Variants in CTNNA2 observed in about 807,000 individuals in gnomAD.
CTNNA2 encodes the protein catenin alpha-2.
A neutral mutation model predicts 101.0 loss-of-function variants in CTNNA2; 42 were observed. The observed-to-expected ratio is 0.42, with a 90% confidence interval of 0.32 to 0.54. The LOEUF (loss-of-function observed/expected upper bound fraction) is 0.54. CTNNA2 is among the 20% of genes least tolerant of loss of function. The pLI is 0.14. For missense variants in CTNNA2, 871 were observed against 1,223.1 expected (o/e 0.71, Z 4.29); for synonymous variants, 450 against 456.4 (o/e 0.99, Z 0.18).
intron 7 of CTNNA2, among the ~76,000 whole-genome samples, chr2:80,064,574 G>A (rs188229562): frequency 1.3e-5 from 2 of 152,324 alleles, no homozygotes; most frequent in East Asian, 3.9e-4. Flanking sequence ...CTCAGCTGGG[G>A]CTGGATGGTT....
At position 79,837,130 on chromosome 2, in the gene CTNNA2, T is replaced by C. The variant is rs562773549; in HGVS notation, c.299-20883T>C. Among the ~76,000 whole-genome samples, 102 of 152,344 alleles carry C rather than the reference T, an allele frequency of 6.7e-4. 2 individuals are homozygous for C. In the South Asian group the frequency reaches 0.021, roughly 31 times the overall value. On this transcript the variant is annotated intron_variant, in intron 3 of 18. Transcript: ENST00000402739. ...ACAGAACTAATGGAATATATATGTA[T>C]GTGCAGGAGTTTATTAAGTATTAAC...
chr2:79,337,720 CT>C (rs1212305460), intron 3 of CTNNA2, among the ~76,000 whole-genome samples: 1 of 151,964 alleles, frequency 6.6e-6, no homozygotes, highest in Non-Finnish European at 1.5e-5. Flanking sequence ...TTACTGTCTG[CT>C]CTGCACTGAG....
At chr2:80,594,773 C>T (rs1229961989) in intron 15 of CTNNA2, among the ~76,000 whole-genome samples, 2 of 151,814 alleles carry the variant, frequency 1.3e-5, no homozygotes, top group African/African-American at 4.8e-5. Flanking sequence ...TTTCCAAGAC[C>T]CAAATCTTAG....
chr2:80,564,777 T>C (rs552228870), intron 12 of CTNNA2, among the ~76,000 whole-genome samples: 18 of 152,312 alleles, frequency 1.2e-4, no homozygotes, highest in Admixed American at 8.5e-4. Context: ...GATAGTTGTC[T>C]GGAGAGGTAG....
intron 1 of CTNNA2, among the ~76,000 whole-genome samples, chr2:79,584,901 A>G (rs1676383715): frequency 6.6e-6 from 1 of 152,214 alleles, no homozygotes; most frequent in Non-Finnish European, 1.5e-5. Context: ...CATCCGGAAC[A>G]ATTTTTTAAA....
At chr2:79,427,172 TG>T (rs1312783946) in intron 4 of CTNNA2, among the ~76,000 whole-genome samples, 2 of 152,032 alleles carry the variant, frequency 1.3e-5, no homozygotes, top group Non-Finnish European at 2.9e-5. Flanking sequence ...TGTCATATCA[TG>T]AAAAGGGCAG....
At chr2:79,857,639 A>C (rs1681242993) in intron 3 of CTNNA2, among the ~76,000 whole-genome samples, 1 of 152,218 alleles carries the variant, frequency 6.6e-6, no homozygotes, top group African/African-American at 2.4e-5. Context: ...GACTGTCAGT[A>C]ACTTCAATGA....
intron 4 of CTNNA2, among the ~76,000 whole-genome samples, chr2:79,862,939 AGG>A (rs1479146230): frequency 6.6e-6 from 1 of 152,226 alleles, no homozygotes; most frequent in African/African-American, 2.4e-5. Context: ...TAATAGCTTC[AGG>A]CAAGGCTTGA....
At chr2:79,807,871 G>A (rs1289451449) in intron 3 of CTNNA2, among the ~76,000 whole-genome samples, 1 of 152,132 alleles carries the variant, frequency 6.6e-6, no homozygotes, top group Non-Finnish European at 1.5e-5. Context: ...TGGATTTCCT[G>A]TCGATTTACA....
At chr2:80,332,094 T>C (rs1046533618) in intron 7 of CTNNA2, among the ~76,000 whole-genome samples, 6 of 152,164 alleles carry the variant, frequency 3.9e-5, no homozygotes, top group Non-Finnish European at 8.8e-5. Context: ...CTAATTGCTC[T>C]ATAATGAAAC....
chr2:80,523,900 T>G (rs1190314816), intron 9 of CTNNA2, among the ~76,000 whole-genome samples: 1 of 152,008 alleles, frequency 6.6e-6, no homozygotes, highest in African/African-American at 2.4e-5. Flanking sequence ...TTAGGGGAAA[T>G]TGGTTGAGGA....
At chr2:80,520,127 A>T (rs1689418334) in intron 9 of CTNNA2, among the ~76,000 whole-genome samples, 1 of 152,082 alleles carries the variant, frequency 6.6e-6, no homozygotes, top group Admixed American at 6.6e-5. Flanking sequence ...ATTTCAGCTG[A>T]GTCACTTTCC....
chr2:80,115,895 G>A (rs1205908493), intron 7 of CTNNA2, among the ~76,000 whole-genome samples: 1 of 152,074 alleles, frequency 6.6e-6, no homozygotes, highest in Non-Finnish European at 1.5e-5. Flanking sequence ...AGATGTATTT[G>A]GACAGTTAAC....
intron 7 of CTNNA2, among the ~76,000 whole-genome samples, chr2:80,090,164 G>C (rs879540067): frequency 0.057 from 5,689 of 99,176 alleles, 160 homozygotes; most frequent in Admixed American, 0.093. Context: ...GTGTGTGTGT[G>C]TGTGTGTGTG....
chr2:80,131,045 CTGTTTTTTTGTT>C (rs1291703153), intron 7 of CTNNA2, among the ~76,000 whole-genome samples: 1 of 151,572 alleles, frequency 6.6e-6, no homozygotes, highest in Non-Finnish European at 1.5e-5. Flanking sequence ...TGTCAATTTC[CTGTTTTTTTGTT>C]TGTTTGTTTG....
intron 11 of CTNNA2, among the ~76,000 whole-genome samples, chr2:80,552,334 GAAAA>G (rs908701685): frequency 1.3e-5 from 2 of 150,090 alleles, no homozygotes; most frequent in Non-Finnish European, 3.0e-5. Context: ...TGGGGGGGAA[GAAAA>G]AAAAACCCAC....
intron 2 of CTNNA2, among the ~76,000 whole-genome samples, chr2:79,214,957 G>A (rs1674229527): frequency 6.6e-6 from 1 of 151,962 alleles, no homozygotes; most frequent in African/African-American, 2.4e-5. Flanking sequence ...GTAATGTGGA[G>A]TGGGTAGCCT....
At chr2:79,540,409 C>T (rs1044983433) in intron 1 of CTNNA2, among the ~76,000 whole-genome samples, 4 of 152,240 alleles carry the variant, frequency 2.6e-5, no homozygotes, top group African/African-American at 4.8e-5. Context: ...TGTCTGGCAC[C>T]GAGTAAGTGC....
chr2:80,057,591 GGCA>G (rs1697309940), intron 7 of CTNNA2, among the ~76,000 whole-genome samples: 1 of 152,074 alleles, frequency 6.6e-6, no homozygotes, highest in Non-Finnish European at 1.5e-5. Context: ...CCCACTCACA[GGCA>G]GTCCTCGGAT....
Sources: allele counts gnomAD v4.1 joint callset (sites outside exome capture counted in the v4.1 genomes callset), GRCh38; gene constraint gnomAD v4.1.1; transcripts MANE v1.5; gene names NCBI Gene and HGNC (gene_info 2026-07-23, HGNC 2026-07-21).